Variants in PRRG1 observed in about 807,000 individuals in gnomAD.
PRRG1 encodes the protein proline rich and Gla domain 1, also known as transmembrane gamma-carboxyglutamic acid protein 1.
PRRG1 carries 5 observed loss-of-function variants against 11.8 expected under a neutral mutation model. The ratio of observed to expected loss-of-function variants is 0.42; its 90% CI spans 0.22 to 0.89. The LOEUF (loss-of-function observed/expected upper bound fraction) is 0.89. Among genes scored for constraint, PRRG1 ranks in the 40% least tolerant of loss-of-function variants. The pLI is 0.28. For synonymous variants in PRRG1, 66 were observed against 60.4 expected (o/e 1.09, Z -0.43); for missense variants, 155 against 166.1 (o/e 0.93, Z 0.37).
intron 2 of PRRG1, among the ~76,000 whole-genome samples, chrX:37,416,135 T>C (rs1932488428): frequency 8.9e-6 from 1 of 112,231 alleles, no homozygotes; most frequent in Admixed American, 9.4e-5. Flanking sequence ...TCAATGAAAC[T>C]CCATTTCTTA....
At chrX:37,403,375 A>C (rs1932083308) in intron 1 of PRRG1, among the ~76,000 whole-genome samples, 2 of 105,394 alleles carry the variant, frequency 1.9e-5, no homozygotes, top group South Asian at 8.9e-4. Flanking sequence ...AAACTATCGC[A>C]AGGACAGAAA....
At chrX:37,416,691 CA>C (rs1556385279) in intron 2 of PRRG1, among the ~76,000 whole-genome samples, 1 of 112,200 alleles carries the variant, frequency 8.9e-6, no homozygotes, top group East Asian at 2.8e-4. Flanking sequence ...TTCTTGGGAG[CA>C]AGGCATTGCT....
chrX:37,407,997 T>C (rs1192045704), intron 2 of PRRG1, among the ~76,000 whole-genome samples: 1 of 112,321 alleles, frequency 8.9e-6, no homozygotes, highest in African/African-American at 3.2e-5. Context: ...GCTATTCTGG[T>C]TCTTTCCAGA....
chrX:37,430,959 A>G (rs910754189), intron 3 of PRRG1, among the ~76,000 whole-genome samples: 2 of 112,308 alleles, frequency 1.8e-5, no homozygotes, highest in East Asian at 2.8e-4. Context: ...TTCCATCTCT[A>G]TAATTCTGCC....
At chrX:37,386,946 C>T (rs1485201179) in intron 1 of PRRG1, among the ~76,000 whole-genome samples, 2 of 112,031 alleles carry the variant, frequency 1.8e-5, no homozygotes, top group African/African-American at 3.2e-5. Context: ...ATTAAAGATA[C>T]GAGTTGCCAG....
chrX:37,399,551 G>C (rs1315019329), intron 1 of PRRG1, among the ~76,000 whole-genome samples: 3 of 108,507 alleles, frequency 2.8e-5, no homozygotes, highest in Non-Finnish European at 3.8e-5. Context: ...AGACCATCGA[G>C]ACTAGGAAGA....
chrX:37,374,933 T>C (rs782358897), intron 1 of PRRG1, among the ~76,000 whole-genome samples: 1 of 111,706 alleles, frequency 9.0e-6, no homozygotes, highest in Non-Finnish European at 1.9e-5. Flanking sequence ...CTGAGGTGAA[T>C]AGACCTTTAG....
chrX:37,438,060 A>T (rs1403914071), intron 3 of PRRG1, among the ~76,000 whole-genome samples: 2 of 110,319 alleles, frequency 1.8e-5, no homozygotes, highest in Non-Finnish European at 3.8e-5. Context: ...ATACAAAAAC[A>T]AATTAGCCAG....
intron 1 of PRRG1, among the ~76,000 whole-genome samples, chrX:37,388,143 C>T (rs1356721884): frequency 3.6e-5 from 4 of 112,027 alleles, no homozygotes; most frequent in East Asian, 2.8e-4. Context: ...TTGGGCAGCT[C>T]CACCCCTCTG....
chrX:37,395,117 C>A (rs537965458), intron 1 of PRRG1, among the ~76,000 whole-genome samples: 16 of 111,798 alleles, frequency 1.4e-4, no homozygotes, highest in African/African-American at 4.6e-4. Context: ...CTATTAATAA[C>A]CCCATTATGG....
intron 3 of PRRG1, among the ~76,000 whole-genome samples, chrX:37,429,891 T>C (rs1433625472): frequency 8.9e-6 from 1 of 111,872 alleles, no homozygotes; most frequent in Non-Finnish European, 1.9e-5. Context: ...TCTTACATGG[T>C]GGCAGCAAGA....
At chrX:37,360,997 C>T (rs1355168539) in intron 1 of PRRG1, among the ~76,000 whole-genome samples, 1 of 112,373 alleles carries the variant, frequency 8.9e-6, no homozygotes, top group African/African-American at 3.2e-5. Context: ...TGTCATTGGG[C>T]ATAATGAAAT....
At chrX:37,435,748 T>G (rs1403451027) in intron 3 of PRRG1, among the ~76,000 whole-genome samples, 1 of 110,261 alleles carries the variant, frequency 9.1e-6, no homozygotes, top group Non-Finnish European at 1.9e-5. Context: ...TAGAAAAGAC[T>G]AGGAAACTGT....
chrX:37,353,037 A>T (rs1236668058), intron 1 of PRRG1, among the ~76,000 whole-genome samples: 3 of 111,896 alleles, frequency 2.7e-5, no homozygotes, highest in Non-Finnish European at 3.8e-5. Flanking sequence ...TATATTTTTT[A>T]AAATTAACTG....
intron 3 of PRRG1, among the ~76,000 whole-genome samples, chrX:37,427,353 G>A (rs782298907): frequency 1.8e-5 from 2 of 111,738 alleles, no homozygotes; most frequent in African/African-American, 3.3e-5. Flanking sequence ...TTTGGGGATA[G>A]GTATACACCT....
chrX:37,378,777 A>G lies in PRRG1; in HGVS notation c.-41-27432A>G, dbSNP rs782057055. ...AGAAACAAAATTAGGTTTTAGTTTG[A>G]AAGGCTTGGAGAATCAGACTTCTTT... On this transcript the variant is annotated intron_variant, in intron 1 of 3. Coordinates refer to ENST00000378628, the MANE Select transcript of PRRG1 (RefSeq NM_001142395.2). 9.9e-5 allele frequency among the ~76,000 whole-genome samples: 11 copies of G among 111,194 alleles called. No individual in the cohort carries two copies. In the South Asian group the frequency reaches 4.1e-3, roughly 42 times the overall value.
At chrX:37,441,286 A>C in intron 3 of PRRG1, 1 of 760,583 alleles carries the variant, frequency 1.3e-6, no homozygotes, top group Non-Finnish European at 1.6e-6. Context: ...TAGAAATGTT[A>C]CTGCAAAACT....
At chrX:37,402,439 G>A (rs1932034168) in intron 1 of PRRG1, among the ~76,000 whole-genome samples, 1 of 111,722 alleles carries the variant, frequency 9.0e-6, no homozygotes, top group African/African-American at 3.3e-5. Context: ...TAAGTAGAAA[G>A]CTGAAACTGG....
At chrX:37,415,648 G>A (rs150431064) in intron 2 of PRRG1, among the ~76,000 whole-genome samples, 2 of 111,531 alleles carry the variant, frequency 1.8e-5, no homozygotes, top group Non-Finnish European at 3.8e-5. Context: ...GTGAGGTCTA[G>A]GCTCCCCACA....
Sources: gnomAD v4.1 joint callset for allele counts (sites outside exome capture counted in the v4.1 genomes callset) on GRCh38, gnomAD v4.1.1 for gene constraint, MANE v1.5 for transcripts, NCBI Gene and HGNC (gene_info 2026-07-23, HGNC 2026-07-21) for gene names.